The following ADAMTS6 variants were observed in gnomAD, a reference collection of about 807,000 sequenced individuals.
ADAMTS6 encodes the protein A disintegrin and metalloproteinase with thrombospondin motifs 6.
Under a neutral mutation model 144.3 loss-of-function variants are expected in ADAMTS6, and 23 were observed. The observed-to-expected ratio is 0.16, with a 90% CI of 0.11 to 0.23. The LOEUF (loss-of-function observed/expected upper bound fraction) is 0.23, where lower values mean the gene tolerates loss of function less well. Ranked by LOEUF, ADAMTS6 falls within the 10% of genes least tolerant of loss-of-function variation. ADAMTS6 has a pLI of 1.00. For synonymous variants in ADAMTS6, 444 were observed against 457.5 expected, an observed-to-expected ratio of 0.97 and a Z score of 0.38; for missense variants, 999 against 1,379.6, an observed-to-expected ratio of 0.72 and a Z score of 4.37.
intron 3 of ADAMTS6, among the ~76,000 whole-genome samples, chr5:65,465,624 A>G (rs1012891915): frequency 6.6e-6 from 1 of 152,138 alleles, no homozygotes; most frequent in African/African-American, 2.4e-5. Flanking sequence ...TCTTCTTCAA[A>G]CTCTTCTTCA....
intron 7 of ADAMTS6, among the ~76,000 whole-genome samples, chr5:65,394,521 G>A (rs1472459352): frequency 1.3e-5 from 2 of 152,134 alleles, no homozygotes; most frequent in African/African-American, 4.8e-5. Context: ...TAAAAAGCTG[G>A]ACATGTCAGC....
intron 7 of ADAMTS6, among the ~76,000 whole-genome samples, chr5:65,372,993 T>G (rs1002377261): frequency 6.6e-6 from 1 of 152,066 alleles, no homozygotes; most frequent in African/African-American, 2.4e-5. Context: ...TGAACAAGCT[T>G]CTCCTGAATG....
At chr5:65,400,031 T>C (rs1485858571) in intron 7 of ADAMTS6, among the ~76,000 whole-genome samples, 1 of 152,192 alleles carries the variant, frequency 6.6e-6, no homozygotes, top group Non-Finnish European at 1.5e-5. Flanking sequence ...GGTACAGAAT[T>C]CTAAGTTGGT....
intron 7 of ADAMTS6, among the ~76,000 whole-genome samples, chr5:65,350,087 G>A (rs990986717): frequency 6.6e-6 from 1 of 152,104 alleles, no homozygotes; most frequent in African/African-American, 2.4e-5. Context: ...TGAGCTACTA[G>A]AATGATAAGT....
intron 7 of ADAMTS6, among the ~76,000 whole-genome samples, chr5:65,341,532 C>T (rs1747825727): frequency 6.6e-6 from 1 of 151,836 alleles, no homozygotes; most frequent in African/African-American, 2.4e-5. Context: ...ACAGACACCA[C>T]AGAAACATAA....
At chr5:65,404,390 A>T (rs1193046113) in intron 7 of ADAMTS6, among the ~76,000 whole-genome samples, 1 of 152,106 alleles carries the variant, frequency 6.6e-6, no homozygotes, top group South Asian at 2.1e-4. Context: ...GTGAGAACAT[A>T]TGGTGTTTGG....
chr5:65,224,235 A>C, intron 18 of ADAMTS6, 85 bp downstream of exon 18: 1 of 1,070,622 alleles, frequency 9.3e-7, no homozygotes, highest in Non-Finnish European at 1.4e-6. Flanking sequence ...ACCTCAAAGA[A>C]GCATGCCTTT....
At chr5:65,305,102 A>G (rs982028984) in intron 9 of ADAMTS6, among the ~76,000 whole-genome samples, 1 of 152,202 alleles carries the variant, frequency 6.6e-6, no homozygotes, top group East Asian at 1.9e-4. Flanking sequence ...AATAAAGGAT[A>G]TAATGTCTAC....
chr5:65,230,463 G>T (rs201962681), intron 15 of ADAMTS6, among the ~76,000 whole-genome samples: 1 of 5,776 alleles, frequency 1.7e-4, no homozygotes, highest in Non-Finnish European at 2.5e-4. Context: ...TATAATACAT[G>T]ATATATATGA....
intron 7 of ADAMTS6, among the ~76,000 whole-genome samples, chr5:65,443,010 C>G (rs62368971): frequency 0.21 from 31,262 of 152,090 alleles, 4,688 homozygotes; most frequent in African/African-American, 0.43. Flanking sequence ...GACATAATCT[C>G]GTTCCTTTTT....
chr5:65,395,272 T>C (rs1394435274), intron 7 of ADAMTS6, among the ~76,000 whole-genome samples: 1 of 152,170 alleles, frequency 6.6e-6, no homozygotes, highest in Admixed American at 6.5e-5. Context: ...ATTTTTATTA[T>C]ACTCTGGATA....
chr5:65,208,582 C>G (rs1162951317), intron 20 of ADAMTS6, among the ~76,000 whole-genome samples: 1 of 152,096 alleles, frequency 6.6e-6, no homozygotes, highest in Non-Finnish European at 1.5e-5. Context: ...TCACTAGAGA[C>G]TAAGTTGCTA....
At chr5:65,155,774 G>A (rs1326108438) in intron 24 of ADAMTS6, among the ~76,000 whole-genome samples, 1 of 152,132 alleles carries the variant, frequency 6.6e-6, no homozygotes, top group East Asian at 1.9e-4. Context: ...GTTTCTACCT[G>A]TCTCTGACTC....
At position 65,179,221 on chromosome 5, in the gene ADAMTS6, C is replaced by T. The variant is rs984237263; in HGVS notation, c.2911-6213G>A. ...TATACATCAAGTCACTGAGGTAGGA[C>T]AAAAAGTTGCTACAGTCCTATTATT... On this transcript the variant is annotated intron_variant, in intron 22 of 24. Transcript: ENST00000381055. 7.7e-4 allele frequency among the ~76,000 whole-genome samples: 117 copies of T among 152,154 alleles called. 1 individual carries two copies. Among genetic ancestry groups the T allele is most frequent in the African/African-American group, 2.7e-3 (114 of 41,524 alleles).
In ADAMTS6 at chr5:65,214,563, A is replaced by C. The variant is rs539840165; in HGVS notation, c.2575+231T>G. ...TCTTGGGAGAAGCACCAGCAGAGAC[A>C]CTCATTGTGCCAAGATGTATTTTAC... On this transcript the variant is annotated intron_variant, in intron 20 of 24. Coordinates refer to ENST00000381055, the MANE Select transcript of ADAMTS6 (RefSeq NM_197941.4). The surrounding 1 kb of genome is among the most constrained non-coding windows in gnomAD (Gnocchi z 4.6). 1 of 598,112 alleles carries C rather than the reference A, an allele frequency of 1.7e-6. No homozygotes were observed. Among genetic ancestry groups the C allele is most frequent in the African/African-American group, 1.9e-5 (1 of 53,984 alleles). 37.1% of individuals were successfully genotyped at this position (598,112 alleles called of 1,614,324 possible).
At chr5:65,158,186 C>G (rs1276258633) in intron 24 of ADAMTS6, among the ~76,000 whole-genome samples, 3 of 152,276 alleles carry the variant, frequency 2.0e-5, no homozygotes, top group Admixed American at 1.3e-4. Flanking sequence ...GAAACCAAAG[C>G]CTTCAAATGA....
At chr5:65,477,912 G>A (rs1388809293) in intron 1 of ADAMTS6, among the ~76,000 whole-genome samples, 1 of 152,028 alleles carries the variant, frequency 6.6e-6, no homozygotes, top group Non-Finnish European at 1.5e-5. Flanking sequence ...CAGATCACCT[G>A]AGGTCAGGAG....
intron 22 of ADAMTS6, among the ~76,000 whole-genome samples, chr5:65,173,896 G>A (rs1284853626): frequency 6.6e-6 from 1 of 151,958 alleles, no homozygotes; most frequent in Non-Finnish European, 1.5e-5. Context: ...GGTGGTGTGT[G>A]TCTGTAGCCC....
intron 7 of ADAMTS6, among the ~76,000 whole-genome samples, chr5:65,376,043 T>C (rs186486385): frequency 0.016 from 2,431 of 149,644 alleles, 33 homozygotes; most frequent in East Asian, 0.081. Context: ...TTCTCACTCA[T>C]AGGTGGGAAT....
Sources: gnomAD v4.1 joint callset for allele counts (sites outside exome capture counted in the v4.1 genomes callset) on GRCh38, gnomAD v4.1.1 for gene constraint, Gnocchi (gnomAD v3.1) non-coding constraint, MANE v1.5 for transcripts, NCBI Gene and HGNC (gene_info 2026-07-23, HGNC 2026-07-21) for gene names.